ERAP2: variants seen among roughly 807,000 people sequenced by gnomAD.
ERAP2 encodes endoplasmic reticulum aminopeptidase 2.
Under a neutral mutation model 111.1 loss-of-function variants are expected in ERAP2, and 118 were observed. That is an observed-to-expected ratio of 1.06 (90% CI 0.92 to 1.24). The LOEUF (loss-of-function observed/expected upper bound fraction) is 1.24, where lower values mean the gene tolerates loss of function less well. Among genes scored for constraint, ERAP2 ranks in the 50% most tolerant of loss-of-function variants. ERAP2 has a pLI of 0.00. For synonymous variants in ERAP2, 410 were observed against 401.2 expected (o/e 1.02, Z -0.26); for missense variants, 1,131 against 1,125.8 (o/e 1.00, Z -0.07).
intron 10 of ERAP2, among the ~76,000 whole-genome samples, chr5:96,900,844 T>A (rs927933459): frequency 6.6e-6 from 1 of 151,980 alleles, no homozygotes; most frequent in Non-Finnish European, 1.5e-5. Flanking sequence ...GCCCGGCTAA[T>A]TTTTTTGTAT....
chr5:96,915,544 G>T, intron 17 of ERAP2, 144 bp from the exon 18 acceptor site: 1 of 422,066 alleles, frequency 2.4e-6, no homozygotes, highest in Non-Finnish European at 4.1e-6. Context: ...CTGGATGAAT[G>T]TTATTATGGT....
In ERAP2 at chr5:96,909,024, C is replaced by T. The variant is rs1013253530; in HGVS notation, c.2076C>T (p.Ser692=). ...CTTACTACCTCCAACATGAAACAAG[C>T]AGCCCCGCACTTCTCGAAGGTCTGA... ...DMTYYLQHET[S]SPALLEGLSY... The change falls in exon 14 of 19, where the codon AGC becomes AGT. Residue 692 remains serine, a synonymous_variant. Transcript: ENST00000437043. 1.2e-6 allele frequency: 2 copies of T among 1,614,032 alleles called. No homozygotes were observed. The highest frequency in any genetic ancestry group is 1.3e-5 in the African/African-American group (1 of 74,926).
At chr5:96,901,188 G>GTTTGTTTT (rs71617149) in intron 10 of ERAP2, among the ~76,000 whole-genome samples, 4 of 147,120 alleles carry the variant, frequency 2.7e-5, no homozygotes, top group African/African-American at 9.8e-5. Context: ...TTGTTTGTTT[G>GTTTGTTTT]ATTTTGTTTG....
At chr5:96,906,778 TC>T (rs1244040588) in intron 13 of ERAP2, among the ~76,000 whole-genome samples, 1 of 152,176 alleles carries the variant, frequency 6.6e-6, no homozygotes, top group Non-Finnish European at 1.5e-5. Context: ...ACGCCTGTAA[TC>T]CCAGTACTTC....
In ERAP2 at chr5:96,883,864, C is replaced by T. The variant is rs745873777; in HGVS notation, c.648C>T (p.Phe216=). The change falls in exon 3 of 19, where the codon TTC becomes TTT. Residue 216 remains phenylalanine (F), a synonymous_variant. Coordinates refer to ENST00000437043, the MANE Select transcript of ERAP2 (RefSeq NM_022350.5). The part of the protein sequence containing the change: ...MAFPCFDEPL[F]KANFSIKIRR... ...TCCCTTGCTTTGATGAACCGTTGTT[C>T]AAAGCCAACTTTTCAATCAAGATAC... 18 of 1,613,804 alleles carry T rather than the reference C, an allele frequency of 1.1e-5. No homozygotes were observed. The South Asian group carries it at 1.4e-4, about 13-fold the overall frequency.
At chr5:96,911,545 T>G (rs1238424096) in intron 15 of ERAP2, among the ~76,000 whole-genome samples, 1 of 151,886 alleles carries the variant, frequency 6.6e-6, no homozygotes, top group Non-Finnish European at 1.5e-5. Flanking sequence ...AAATTAAGAC[T>G]CTCTAGGCCT....
intron 4 of ERAP2, among the ~76,000 whole-genome samples, chr5:96,888,227 A>G (rs1783970222): frequency 6.6e-6 from 1 of 152,248 alleles, no homozygotes; most frequent in South Asian, 2.1e-4. Context: ...ATGAATATGT[A>G]GATATATGAG....
At chr5:96,887,100 T>TATATATAC (rs1478213165) in intron 4 of ERAP2, among the ~76,000 whole-genome samples, 1,581 of 136,926 alleles carry the variant, frequency 0.012, 14 homozygotes, top group Non-Finnish European at 0.019. Flanking sequence ...TATATATATA[T>TATATATAC]ACACACACAC....
At chr5:96,889,136 A>T in intron 4 of ERAP2, 49 bp from the exon 5 acceptor site, 3 of 1,608,734 alleles carry the variant, frequency 1.9e-6, no homozygotes, top group Non-Finnish European at 2.6e-6. Flanking sequence ...GAATGGAATT[A>T]TGCCAGGGAG....
intron 1 of ERAP2, among the ~76,000 whole-genome samples, chr5:96,877,205 C>A (rs902084857): frequency 3.3e-5 from 5 of 152,180 alleles, no homozygotes; most frequent in African/African-American, 1.2e-4. Flanking sequence ...GAATTCCTGA[C>A]CTCAGGTGAT....
At chr5:96,912,276 T>C (rs973028012) in intron 15 of ERAP2, among the ~76,000 whole-genome samples, 1 of 147,488 alleles carries the variant, frequency 6.8e-6, no homozygotes, top group African/African-American at 2.5e-5. Flanking sequence ...AAAAAAAAAA[T>C]CTTATAGCAC....
intron 1 of ERAP2, among the ~76,000 whole-genome samples, chr5:96,877,286 T>A (rs771041280): frequency 6.6e-6 from 1 of 152,222 alleles, no homozygotes; most frequent in Non-Finnish European, 1.5e-5. Flanking sequence ...TGTTTCTTTA[T>A]CTGAACACTA....
intron 15 of ERAP2, among the ~76,000 whole-genome samples, chr5:96,911,768 G>T (rs917758869): frequency 1.3e-5 from 2 of 150,274 alleles, no homozygotes; most frequent in Non-Finnish European, 2.9e-5. Context: ...AGCTGCTCAG[G>T]AGGCTGAGGC....
At chr5:96,895,177 G>GTA in intron 6 of ERAP2, 69 bp from the exon 7 acceptor site, 2 of 829,902 alleles carry the variant, frequency 2.4e-6, no homozygotes, top group Non-Finnish European at 3.7e-6. Context: ...AGTAACTATT[G>GTA]TATTTTTTGC....
At chr5:96,889,372 T>TACCTGGC in intron 5 of ERAP2, 67 bp downstream of exon 5, 1 of 1,546,064 alleles carries the variant, frequency 6.5e-7, no homozygotes, top group Non-Finnish European at 8.9e-7. Context: ...CTCTTCCCTC[T>TACCTGGC]TTCTCTTTCT....
intron 6 of ERAP2, among the ~76,000 whole-genome samples, chr5:96,893,568 G>A (rs4869315): frequency 0.46 from 69,359 of 151,968 alleles, 16,123 homozygotes; most frequent in African/African-American, 0.52. Context: ...CTTTCTGCCA[G>A]TTGTTTGTAG....
intron 4 of ERAP2, among the ~76,000 whole-genome samples, chr5:96,887,686 C>G (rs1424409295): frequency 1.3e-5 from 2 of 152,146 alleles, no homozygotes; most frequent in Admixed American, 6.5e-5. Context: ...CAAAAACTTA[C>G]AACAATACCT....
At chr5:96,891,440 T>C (rs1784349578) in intron 5 of ERAP2, among the ~76,000 whole-genome samples, 2 of 149,870 alleles carry the variant, frequency 1.3e-5, no homozygotes, top group African/African-American at 4.9e-5. Flanking sequence ...CAGGTACATA[T>C]ATATGTATAT....
chr5:96,903,719 G>GT (rs1314964630), intron 13 of ERAP2, among the ~76,000 whole-genome samples, 159 bp downstream of exon 13: 1 of 151,904 alleles, frequency 6.6e-6, no homozygotes, highest in African/African-American at 2.4e-5. Flanking sequence ...CACTAATAAC[G>GT]TATTTTGACC....
Sources: allele counts gnomAD v4.1 joint callset (sites outside exome capture counted in the v4.1 genomes callset), GRCh38; gene constraint gnomAD v4.1.1; transcripts MANE v1.5; gene names NCBI Gene and HGNC (gene_info 2026-07-23, HGNC 2026-07-21).